The following WDR49 variants were observed in gnomAD, a reference collection of about 807,000 sequenced individuals.
The protein encoded by WDR49 is cilia- and flagella-associated protein 337.
A neutral mutation model predicts 119.5 loss-of-function variants in WDR49; 107 were observed. The observed-to-expected ratio is 0.90, with a 90% CI of 0.77 to 1.05. The LOEUF is 1.05. WDR49 is among the 50% of genes least tolerant of loss of function. The pLI, the probability that WDR49 is intolerant of heterozygous loss-of-function variation, is 0.00. For missense variants in WDR49, 1,240 were observed against 1,220.5 expected, an observed-to-expected ratio of 1.02 and a Z score of -0.24; for synonymous variants, 425 against 418.8, an observed-to-expected ratio of 1.01 and a Z score of -0.18.
intron 8 of WDR49, among the ~76,000 whole-genome samples, chr3:167,566,140 C>T (rs973192657): frequency 6.6e-6 from 1 of 152,126 alleles, no homozygotes; most frequent in Non-Finnish European, 1.5e-5. Context: ...ATGGTCCTCT[C>T]CTACGCTGGT....
chr3:167,651,359 T>C (rs763010816), intron 2 of WDR49, among the ~76,000 whole-genome samples: 3 of 152,228 alleles, frequency 2.0e-5, no homozygotes, highest in African/African-American at 4.8e-5. Flanking sequence ...AGGAATGCTA[T>C]TGAGGGCATT....
Position 167,645,775 on chromosome 3 carries a change from C to T in WDR49, c.165+7486G>A, listed in dbSNP as rs151012209. Among the ~76,000 whole-genome samples, 156 of 152,214 alleles carry T rather than the reference C, an allele frequency of 1.0e-3. 1 individual carries two copies. Among genetic ancestry groups the T allele is most frequent in the Admixed American group, 8.3e-3 (127 of 15,282 alleles). On this transcript the variant is annotated intron_variant, in intron 2 of 18. Coordinates refer to ENST00000682715, the MANE Select transcript of WDR49 (RefSeq NM_001366157.1). ...CCTCTCTCCTCCAGAATCTATGTTG[C>T]GATTCTCTCACACTCAATTTTGTCT...
chr3:167,487,503 G>A (rs780844698), intron 18 of WDR49, among the ~76,000 whole-genome samples: 42 of 151,774 alleles, frequency 2.8e-4, no homozygotes, highest in Non-Finnish European at 4.6e-4. Context: ...CAAAAGCAAC[G>A]GTAACAAGAA....
At chr3:167,499,879 C>T (rs2108208370) in intron 18 of WDR49, among the ~76,000 whole-genome samples, 1 of 152,262 alleles carries the variant, frequency 6.6e-6, no homozygotes, top group East Asian at 1.9e-4. Context: ...AGATTCTCAT[C>T]CACGGAAGAT....
intron 15 of WDR49, among the ~76,000 whole-genome samples, chr3:167,526,195 A>G (rs113885789): frequency 4.6e-5 from 7 of 152,322 alleles, no homozygotes; most frequent in African/African-American, 1.7e-4. Context: ...TCTTCAAAAA[A>G]GCAAGACTTC....
At chr3:167,479,791 A>C (rs958908443) in intron 18 of WDR49, among the ~76,000 whole-genome samples, 3 of 152,204 alleles carry the variant, frequency 2.0e-5, no homozygotes, top group African/African-American at 7.2e-5. Context: ...AAGATTTTTT[A>C]AAAAGCTTTA....
chr3:167,580,173 T>C (rs1362672654), intron 7 of WDR49, among the ~76,000 whole-genome samples: 3 of 152,184 alleles, frequency 2.0e-5, no homozygotes, highest in Non-Finnish European at 4.4e-5. Flanking sequence ...CATTTGTTAA[T>C]TTTTTAAATT....
At chr3:167,479,511 G>C (rs76929967) in intron 18 of WDR49, among the ~76,000 whole-genome samples, 1,550 of 152,210 alleles carry the variant, frequency 0.01, 26 homozygotes, top group African/African-American at 0.036. Flanking sequence ...GGAGGAAATT[G>C]TGCCATACAT....
chr3:167,508,261 T>C (rs1751845588), intron 16 of WDR49, among the ~76,000 whole-genome samples: 1 of 152,210 alleles, frequency 6.6e-6, no homozygotes, highest in South Asian at 2.1e-4. Context: ...AATTTGTCAA[T>C]ATTTTCACAT....
intron 18 of WDR49, among the ~76,000 whole-genome samples, chr3:167,491,565 C>T (rs981300700): frequency 2.0e-5 from 3 of 152,118 alleles, no homozygotes; most frequent in African/African-American, 7.2e-5. Context: ...ATAAAACCAT[C>T]TCTTTAATTG....
intron 5 of WDR49, among the ~76,000 whole-genome samples, chr3:167,618,624 G>C (rs888234771): frequency 2.0e-5 from 3 of 152,108 alleles, no homozygotes; most frequent in African/African-American, 7.2e-5. Flanking sequence ...TATTACATAT[G>C]TAGTTCCTTA....
intron 5 of WDR49, among the ~76,000 whole-genome samples, chr3:167,617,901 T>C (rs1335900871): frequency 6.6e-6 from 1 of 152,204 alleles, no homozygotes. Context: ...TAACCCATGC[T>C]GAACAAACTA....
intron 15 of WDR49, among the ~76,000 whole-genome samples, chr3:167,523,462 G>A (rs1445264332): frequency 6.6e-6 from 1 of 151,326 alleles, no homozygotes. Context: ...CATGTGCCAT[G>A]GTGGCTTGCT....
intron 7 of WDR49, among the ~76,000 whole-genome samples, chr3:167,579,299 C>G (rs947307499): frequency 1.7e-4 from 26 of 152,106 alleles, no homozygotes; most frequent in Non-Finnish European, 1.3e-4. Flanking sequence ...TGTCTATACC[C>G]AGATCATTGA....
chr3:167,580,299 A>G (rs968163921), intron 7 of WDR49, among the ~76,000 whole-genome samples: 2 of 152,146 alleles, frequency 1.3e-5, no homozygotes, highest in Admixed American at 6.5e-5. Flanking sequence ...GAATTAAGCA[A>G]CAGCATTGAA....
intron 18 of WDR49, among the ~76,000 whole-genome samples, chr3:167,486,907 T>C (rs1750943038): frequency 1.3e-5 from 2 of 152,186 alleles, no homozygotes; most frequent in South Asian, 2.1e-4. Flanking sequence ...GAACACCCCA[T>C]GGAACAACCA....
At chr3:167,499,618 A>G (rs1260896292) in intron 18 of WDR49, among the ~76,000 whole-genome samples, 1 of 152,160 alleles carries the variant, frequency 6.6e-6, no homozygotes, top group Non-Finnish European at 1.5e-5. Flanking sequence ...ATAAAGAATT[A>G]TTTTGTACAT....
intron 16 of WDR49, among the ~76,000 whole-genome samples, chr3:167,520,258 G>T (rs1248082036): frequency 6.6e-6 from 1 of 151,416 alleles, no homozygotes; most frequent in Non-Finnish European, 1.5e-5. Context: ...AAAAAAAAAT[G>T]TTTAAAGGAT....
chr3:167,491,323 A>C (rs1751125220), intron 18 of WDR49, among the ~76,000 whole-genome samples: 2 of 152,128 alleles, frequency 1.3e-5, no homozygotes, highest in African/African-American at 4.8e-5. Context: ...GTGCTCCTGG[A>C]AAGTGAAGAC....
Sources: allele counts gnomAD v4.1 joint callset (sites outside exome capture counted in the v4.1 genomes callset), GRCh38; gene constraint gnomAD v4.1.1; transcripts MANE v1.5; gene names NCBI Gene and HGNC (gene_info 2026-07-23, HGNC 2026-07-21).